The following DACH2 variants were observed in gnomAD, a reference collection of about 807,000 sequenced individuals.
DACH2 encodes dachshund homolog 2.
A neutral mutation model predicts 35.8 loss-of-function variants in DACH2; 17 were observed. The observed-to-expected ratio is 0.48, with a 90% confidence interval of 0.33 to 0.71. The LOEUF (loss-of-function observed/expected upper bound fraction) is 0.71, where lower values mean the gene tolerates loss of function less well. Among genes scored for constraint, DACH2 ranks in the 30% least tolerant of loss-of-function variants. The pLI, the probability that DACH2 is intolerant of heterozygous loss-of-function variation, is 0.02. For missense variants in DACH2, 469 were observed against 472.7 expected, an observed-to-expected ratio of 0.99 and a Z score of 0.07; for synonymous variants, 195 against 177.3, an observed-to-expected ratio of 1.10 and a Z score of -0.79.
intron 3 of DACH2, among the ~76,000 whole-genome samples, chrX:86,546,836 T>C (rs5968940): frequency 0.14 from 15,243 of 109,530 alleles, 947 homozygotes; most frequent in East Asian, 0.24. Context: ...TCAAACTGGA[T>C]CATGGGGCAG....
At chrX:86,427,210 G>T (rs2036908487) in intron 2 of DACH2, among the ~76,000 whole-genome samples, 1 of 111,379 alleles carries the variant, frequency 9.0e-6, no homozygotes, top group African/African-American at 3.3e-5. Flanking sequence ...TTGGTGGTAC[G>T]TTGGACATGG....
rs754101690 is a variant in DACH2, at chrX:86,238,733, T to G, written c.488+89625T>G. Reference sequence around the variant, plus strand: ...TATAATGAATGTGTGTCCCTACCAGTACATAATGAAAGAACATGAAATTAA... The same window carrying G: ...TATAATGAATGTGTGTCCCTACCAGGACATAATGAAAGAACATGAAATTAA... On this transcript the variant is annotated intron_variant, in intron 1 of 11. Coordinates refer to ENST00000373125, the MANE Select transcript of DACH2 (RefSeq NM_053281.3). Among the ~76,000 whole-genome samples the G allele has an allele frequency of 1.3e-4, 14 of 110,953 alleles. No homozygotes were observed. In the East Asian group the frequency reaches 4.0e-3, roughly 32 times the overall value.
chrX:86,631,884 A>C (rs980069891), intron 3 of DACH2, among the ~76,000 whole-genome samples: 1 of 111,441 alleles, frequency 9.0e-6, no homozygotes, highest in Admixed American at 9.6e-5. Flanking sequence ...ATAAAGTTGT[A>C]AATCAAATCC....
rs181770977 is a variant in DACH2, at chrX:86,624,372, A to G, written c.641-26664A>G. ...TCTTACATGAGGTACATGGCAATTT[A>G]AAAAAATGGCACATAAACTATACTA... On this transcript the variant is annotated intron_variant, in intron 3 of 11. Coordinates refer to ENST00000373125, the MANE Select transcript of DACH2 (RefSeq NM_053281.3). 8.9e-5 allele frequency among the ~76,000 whole-genome samples: 10 copies of G among 112,197 alleles called. No individual in the cohort carries two copies. The East Asian group carries it at 2.5e-3, about 28-fold the overall frequency.
chrX:86,323,529 G>A (rs946015109), intron 1 of DACH2, among the ~76,000 whole-genome samples: 56 of 111,860 alleles, frequency 5.0e-4, no homozygotes, highest in East Asian at 8.5e-4. Flanking sequence ...TGCATACAGA[G>A]AGGGGATGGG....
At chrX:86,220,121 G>A (rs1397282463) in intron 1 of DACH2, among the ~76,000 whole-genome samples, 4 of 95,574 alleles carry the variant, frequency 4.2e-5, no homozygotes, top group African/African-American at 1.2e-4. Flanking sequence ...AGCCGAGATC[G>A]TGCCATTGCA....
intron 2 of DACH2, among the ~76,000 whole-genome samples, chrX:86,502,464 C>T (rs1456235044): frequency 8.9e-6 from 1 of 111,795 alleles, no homozygotes; most frequent in East Asian, 2.8e-4. Context: ...ATTATTTATT[C>T]TACAAAAAGA....
At chrX:86,167,021 T>C (rs1346764875) in intron 1 of DACH2, among the ~76,000 whole-genome samples, 1 of 111,540 alleles carries the variant, frequency 9.0e-6, no homozygotes, top group African/African-American at 3.2e-5. Context: ...GTAGTTTTCA[T>C]TTTTTGATGT....
intron 1 of DACH2, among the ~76,000 whole-genome samples, chrX:86,321,934 G>C (rs776161833): frequency 1.8e-5 from 2 of 111,463 alleles, no homozygotes; most frequent in African/African-American, 6.5e-5. Flanking sequence ...TCTTGTAGGA[G>C]TAGTATTGAA....
chrX:86,610,052 C>T (rs974201097), intron 3 of DACH2, among the ~76,000 whole-genome samples: 34 of 111,894 alleles, frequency 3.0e-4, no homozygotes, highest in African/African-American at 9.7e-4. Context: ...TTCAAGGCAA[C>T]GAGGTCCCCT....
chrX:86,254,599 T>A (rs2033464204), intron 1 of DACH2, among the ~76,000 whole-genome samples: 1 of 105,984 alleles, frequency 9.4e-6, no homozygotes, highest in African/African-American at 3.4e-5. Flanking sequence ...CTGTTAGTAA[T>A]TCAACCATCT....
At chrX:86,345,094 A>G (rs2035475045) in intron 1 of DACH2, among the ~76,000 whole-genome samples, 1 of 111,796 alleles carries the variant, frequency 8.9e-6, no homozygotes, top group South Asian at 3.6e-4. Flanking sequence ...GTTTTCCTAT[A>G]AGATTTCTCT....
intron 6 of DACH2, among the ~76,000 whole-genome samples, chrX:86,722,175 A>G (rs1308546277): frequency 8.9e-6 from 1 of 111,912 alleles, no homozygotes; most frequent in Non-Finnish European, 1.9e-5. Context: ...TGGGTTTGTC[A>G]TAATGGTTCT....
In DACH2 at chrX:86,427,815, T is replaced by C. The variant is rs920537713; in HGVS notation, c.527+50953T>C. 3.6e-5 allele frequency among the ~76,000 whole-genome samples: 4 copies of C among 112,044 alleles called. No homozygotes were observed. In the East Asian group the frequency reaches 1.1e-3, roughly 31 times the overall value. ...TCAAAGAAATATGAATCAAATGACC[T>C]AGCTGACAGTAAAAGGAAATGTTTA... On this transcript the variant is annotated intron_variant, in intron 2 of 11. Coordinates refer to ENST00000373125, the MANE Select transcript of DACH2 (RefSeq NM_053281.3).
At chrX:86,468,985 A>G (rs1460677708) in intron 2 of DACH2, among the ~76,000 whole-genome samples, 1 of 111,590 alleles carries the variant, frequency 9.0e-6, no homozygotes, top group East Asian at 2.8e-4. Flanking sequence ...GATAAAGAAA[A>G]TGTTGTATAT....
At chrX:86,424,733 A>G (rs1179780683) in intron 2 of DACH2, among the ~76,000 whole-genome samples, 1 of 111,640 alleles carries the variant, frequency 9.0e-6, no homozygotes, top group African/African-American at 3.2e-5. Flanking sequence ...AACAGTGATG[A>G]CAGTGAACAT....
At chrX:86,297,315 G>A (rs769850126) in intron 1 of DACH2, among the ~76,000 whole-genome samples, 1 of 110,709 alleles carries the variant, frequency 9.0e-6, no homozygotes, top group Admixed American at 9.6e-5. Context: ...CAACCTCCAT[G>A]ACTACACAGT....
At chrX:86,729,869 G>A (rs1467057148) in intron 6 of DACH2, among the ~76,000 whole-genome samples, 2 of 111,364 alleles carry the variant, frequency 1.8e-5, no homozygotes, top group Non-Finnish European at 3.8e-5. Context: ...AAGCAGACAC[G>A]AGTGCTATGC....
intron 1 of DACH2, among the ~76,000 whole-genome samples, chrX:86,249,745 T>C (rs1001714851): frequency 9.0e-6 from 1 of 111,500 alleles, no homozygotes; most frequent in Non-Finnish European, 1.9e-5. Context: ...TTAAGACACA[T>C]ACACATCTAT....
Sources: allele counts gnomAD v4.1 joint callset (sites outside exome capture counted in the v4.1 genomes callset), GRCh38; gene constraint gnomAD v4.1.1; transcripts MANE v1.5; gene names NCBI Gene and HGNC (gene_info 2026-07-23, HGNC 2026-07-21).